Variants in DNAH9 observed in about 807,000 individuals in gnomAD.
DNAH9 encodes dynein axonemal heavy chain 9.
DNAH9 carries 345 observed loss-of-function variants against 471.6 expected under a neutral mutation model. The ratio of observed to expected loss-of-function variants is 0.73; its 90% CI spans 0.67 to 0.80. DNAH9 has a LOEUF of 0.80. DNAH9 is among the 30% of genes least tolerant of loss of function. DNAH9 has a pLI of 0.00. For synonymous variants in DNAH9, 2,093 were observed against 2,123.6 expected, an observed-to-expected ratio of 0.99 and a Z score of 0.40; for missense variants, 5,407 against 5,609.2, an observed-to-expected ratio of 0.96 and a Z score of 1.15.
At chr17:11,887,804 C>T (rs1972925362) in intron 57 of DNAH9, among the ~76,000 whole-genome samples, 1 of 151,718 alleles carries the variant, frequency 6.6e-6, no homozygotes, top group Admixed American at 6.6e-5. Flanking sequence ...GTGCTTTCAG[C>T]TAAACCACCA....
chr17:11,694,038 AT>A, intron 21 of DNAH9, 40 bp downstream of exon 21: 1 of 1,600,626 alleles, frequency 6.2e-7, no homozygotes, highest in Non-Finnish European at 8.5e-7. Context: ...ATAAGAAGGC[AT>A]CATTTCCTTT....
chr17:11,763,641 C>T lies in DNAH9; in HGVS notation c.7170+27C>T, dbSNP rs781570475. The T allele has an allele frequency of 1.8e-5, 29 of 1,606,642 alleles. 2 individuals carry two copies. In the South Asian group the frequency reaches 2.6e-4, roughly 14 times the overall value. On this transcript the variant is annotated intron_variant, in intron 36 of 68. Transcript: ENST00000262442. ...TAAGGAGATATGTTGAGCTCAACAA[C>T]CACACTGAAGTCTGTAGCAGCAAAA...
intron 57 of DNAH9, 145 bp from the exon 58 acceptor site, chr17:11,891,632 T>C (rs1597795137): frequency 9.8e-6 from 1 of 101,750 alleles, no homozygotes; most frequent in African/African-American, 3.6e-5. Flanking sequence ...CCCAAAGCAC[T>C]GTGATCACAG....
rs373432302 is a variant in DNAH9, at chr17:11,610,372, T to C, written c.615-24T>C. On this transcript the variant is annotated intron_variant, in intron 2 of 68. Coordinates refer to ENST00000262442, the MANE Select transcript of DNAH9 (RefSeq NM_001372.4). ...AGGGTTTTTGTTTTTGTTGTTATCA[T>C]TGTTGTTGTTTTGTCTTTCACAGCT... 9 of 1,601,346 alleles carry C rather than the reference T, an allele frequency of 5.6e-6. No individual in the cohort carries two copies. The African/African-American group carries it at 6.7e-5, about 12-fold the overall frequency.
At chr17:11,723,838 G>A (rs1049543562) in intron 27 of DNAH9, among the ~76,000 whole-genome samples, 2 of 151,114 alleles carry the variant, frequency 1.3e-5, no homozygotes, top group Non-Finnish European at 3.0e-5. Flanking sequence ...TGGCTAATTG[G>A]TTTTTTTTGT....
In DNAH9 at chr17:11,705,007, C is replaced by G. The variant is rs1353752103; in HGVS notation, c.5392-18C>G. On this transcript the variant is annotated intron_variant, in intron 25 of 68. Transcript: ENST00000262442. Reference sequence around the variant, plus strand: ...GCTGCCTATGATTCACCCACCTACTCTACCACTCTCTCTTTAGGTAGACAA... The same window carrying G: ...GCTGCCTATGATTCACCCACCTACTGTACCACTCTCTCTTTAGGTAGACAA... 5 of 1,612,684 alleles carry G rather than the reference C, an allele frequency of 3.1e-6. No individual in the cohort carries two copies. The highest frequency in any genetic ancestry group is 1.1e-5 in the South Asian group (1 of 90,996).
chr17:11,663,050 C>T (rs942650611), intron 14 of DNAH9, among the ~76,000 whole-genome samples: 9 of 152,200 alleles, frequency 5.9e-5, no homozygotes, highest in East Asian at 1.9e-4. Context: ...CCACCGCGCC[C>T]GGCCCGAGGC....
intron 67 of DNAH9, among the ~76,000 whole-genome samples, chr17:11,953,389 C>T (rs1472955719): frequency 6.6e-6 from 1 of 152,196 alleles, no homozygotes; most frequent in African/African-American, 2.4e-5. Context: ...TTTTCCCCTC[C>T]TTATCACTCT....
Position 11,679,801 on chromosome 17 carries a change from T to C in DNAH9, c.3398T>C (p.Leu1133Ser), listed in dbSNP as rs768906623. The C allele has an allele frequency of 1.2e-6, 2 of 1,614,154 alleles. No individual in the cohort carries two copies. Among genetic ancestry groups the C allele is most frequent in the South Asian group, 1.1e-5 (1 of 91,078 alleles). Reference protein sequence around the residue: ...DAFIKKSESGLLKKVEKGDFQ... With the variant: ...DAFIKKSESGSLKKVEKGDFQ... ...TTTATAAAGAAGAGTGAGAGCGGCT[T>C]ACTCAAGAAAGTTGAAAAAGGAGAT... The change falls in exon 18 of 69, where the codon TTA becomes TCA. Residue 1133 changes from leucine (L) to serine (S), a missense_variant. Physicochemically the swap from Leu to Ser is moderately radical, Grantham distance 145. This residue lies in a region of DNAH9 where 4,636 missense variants were observed against 4,900.3 expected (regional missense o/e 0.95). Transcript: ENST00000262442.
chr17:11,634,315 C>G (rs968780003), intron 8 of DNAH9, among the ~76,000 whole-genome samples: 8 of 152,142 alleles, frequency 5.3e-5, no homozygotes, highest in Non-Finnish European at 7.4e-5. Flanking sequence ...AGCAAAATCT[C>G]CAATTGACAT....
At chr17:11,601,786 T>C (rs994722112) in intron 1 of DNAH9, among the ~76,000 whole-genome samples, 5 of 151,968 alleles carry the variant, frequency 3.3e-5, no homozygotes, top group African/African-American at 1.2e-4. Context: ...GATTACCTGC[T>C]CCCCTTTTCC....
intron 19 of DNAH9, among the ~76,000 whole-genome samples, chr17:11,682,382 G>T (rs1423035023): frequency 6.6e-6 from 1 of 152,110 alleles, no homozygotes; most frequent in Non-Finnish European, 1.5e-5. Flanking sequence ...CTCCTGAGTA[G>T]CTGGGACTAC....
chr17:11,641,964 T>A (rs2073282058), intron 10 of DNAH9, among the ~76,000 whole-genome samples: 1 of 152,036 alleles, frequency 6.6e-6, no homozygotes, highest in African/African-American at 2.4e-5. Flanking sequence ...TCTGCCTCCG[T>A]ACCCCTACAT....
At chr17:11,821,807 T>A in intron 45 of DNAH9, 113 bp from the exon 46 acceptor site, 1 of 1,193,844 alleles carries the variant, frequency 8.4e-7, no homozygotes, top group Non-Finnish European at 1.2e-6. Flanking sequence ...AGAGAGTTGG[T>A]ACATGGCCTA....
intron 26 of DNAH9, among the ~76,000 whole-genome samples, chr17:11,718,065 T>C (rs752881455): frequency 7.2e-5 from 11 of 152,082 alleles, no homozygotes; most frequent in Non-Finnish European, 1.3e-4. Flanking sequence ...TGTGTAGATA[T>C]GGGGTTTTGC....
intron 50 of DNAH9, among the ~76,000 whole-genome samples, chr17:11,866,886 C>T (rs138007367): frequency 0.011 from 1,631 of 152,316 alleles, 26 homozygotes; most frequent in African/African-American, 0.038. Flanking sequence ...GGGCAGTATT[C>T]GGGTGGGAGT....
chr17:11,878,416 C>G (rs1667380561), intron 53 of DNAH9, among the ~76,000 whole-genome samples: 1 of 152,138 alleles, frequency 6.6e-6, no homozygotes, highest in Non-Finnish European at 1.5e-5. Flanking sequence ...TTACCTACTA[C>G]AGTTCATTTT....
chr17:11,694,841 C>T (rs201816614), intron 22 of DNAH9, among the ~76,000 whole-genome samples: 20 of 214 alleles, frequency 0.093, 3 homozygotes, highest in South Asian at 0.33. Context: ...TCTTTCTTTC[C>T]TTCCTTCCTT....
intron 67 of DNAH9, among the ~76,000 whole-genome samples, chr17:11,956,344 C>CA (rs1448394618): frequency 1.3e-5 from 2 of 151,534 alleles, no homozygotes; most frequent in African/African-American, 4.8e-5. Context: ...ATACATAAAG[C>CA]AAAAAAATGA....
Sources: gnomAD v4.1 joint callset for allele counts (sites outside exome capture counted in the v4.1 genomes callset) on GRCh38, gnomAD v4.1.1 for gene constraint, gnomAD v4.1.1 regional missense constraint, MANE v1.5 for transcripts, NCBI Gene and HGNC (gene_info 2026-07-23, HGNC 2026-07-21) for gene names.